The following MTFMT variants were observed in gnomAD, a reference collection of about 807,000 sequenced individuals.
MTFMT encodes the protein methionyl-tRNA formyltransferase, mitochondrial.
In MTFMT, 47 loss-of-function variants were observed where a neutral mutation model predicts 51.8. The observed-to-expected ratio is 0.91, with a 90% CI of 0.72 to 1.16. The LOEUF (loss-of-function observed/expected upper bound fraction) is 1.16, where lower values mean the gene tolerates loss of function less well. MTFMT is among the 50% of genes most tolerant of loss of function. The pLI, the probability that MTFMT is intolerant of heterozygous loss-of-function variation, is 0.00. For synonymous variants in MTFMT, 196 were observed against 176.7 expected (o/e 1.11, Z -0.87); for missense variants, 512 against 482.3 (o/e 1.06, Z -0.58).
At position 65,023,764 on chromosome 15, in the gene MTFMT, G is replaced by A; in HGVS notation, c.450C>T (p.Leu150=). The A allele has an allele frequency of 6.2e-7, 1 of 1,612,962 alleles. No individual in the cohort carries two copies. Among genetic ancestry groups the A allele is most frequent in the Non-Finnish European group, 8.5e-7 (1 of 1,179,318 alleles). The part of the protein sequence containing the change: ...YGILNVHPSC[L]PRWRGPAPVI... ...CAGGGGCTGGGCCACGCCATCTCGGGAGGCAACTGGGATGAACATTCAATA... is the reference window on the plus strand; with the variant it reads ...CAGGGGCTGGGCCACGCCATCTCGGAAGGCAACTGGGATGAACATTCAATA... Residue 150 remains leucine (L), a synonymous_variant, in exon 3 of 9, where the codon CTC becomes CTT. Coordinates refer to ENST00000220058, the MANE Select transcript of MTFMT (RefSeq NM_139242.4).
intron 6 of MTFMT, among the ~76,000 whole-genome samples, chr15:65,011,565 A>G (rs2086267404): frequency 7.3e-6 from 1 of 137,576 alleles, no homozygotes; most frequent in Admixed American, 8.4e-5. Context: ...GTGCAATCAC[A>G]GCTCACTGCA....
rs1224400313 is a variant in MTFMT at position 65,002,955 on chromosome 15, T to A, written c.*107A>T. On this transcript the variant is annotated 3_prime_UTR_variant, in exon 9 of 9. Transcript: ENST00000220058. ...TCCAGCCTGGGTGACAGAGTGAGAC[T>A]CTGTCTCAAAAAAAAAAAAAAAAAA... 1 of 744,136 alleles carries A rather than the reference T, an allele frequency of 1.3e-6. No individual in the cohort carries two copies. The highest frequency in any genetic ancestry group is 1.9e-6 in the Non-Finnish European group (1 of 520,292). 46.1% of individuals were successfully genotyped at this position (744,136 alleles called of 1,614,324 possible).
In MTFMT at chr15:65,024,952, A is replaced by C. The variant is rs941822254; in HGVS notation, c.420-1158T>G. Among the ~76,000 whole-genome samples, 9 of 152,246 alleles carry C rather than the reference A, an allele frequency of 5.9e-5. 1 individual carries two copies. Among genetic ancestry groups the C allele is most frequent in the Admixed American group, 5.9e-4 (9 of 15,288 alleles). ...GAGAAAAGCATTCCAGGCAGAGGGA[A>C]CATTAAGTACAAAGATCTTGAAGAA... On this transcript the variant is annotated intron_variant, in intron 2 of 8. Coordinates refer to ENST00000220058, the MANE Select transcript of MTFMT (RefSeq NM_139242.4).
rs370530544 is a variant in MTFMT at position 65,019,934 on chromosome 15, T to C, written c.721+263A>G. Among the ~76,000 whole-genome samples the C allele has an allele frequency of 2.0e-4, 31 of 152,232 alleles. 1 individual carries two copies. Among genetic ancestry groups the C allele is most frequent in the African/African-American group, 7.5e-4 (31 of 41,548 alleles). On this transcript the variant is annotated intron_variant, in intron 5 of 8. Coordinates refer to ENST00000220058, the MANE Select transcript of MTFMT (RefSeq NM_139242.4). ...GACAAACATTAATAATTGTTGACTC[T>C]GGGGTAAACTGGTGTTTATTATACC... is the stretch of plus-strand genomic sequence containing the variant.
rs2086178359 is a variant in MTFMT, at chr15:65,001,760, G to A, written c.*1302C>T. ...CAGGCGTGGTGGCCCCACTTTGGGA[G>A]GCTGAGGCTGGAGGATCACTTAAGC... is the stretch of plus-strand genomic sequence containing the variant. On this transcript the variant is annotated 3_prime_UTR_variant, in exon 9 of 9. Transcript: ENST00000220058. 6.6e-6 allele frequency: 1 copy of A among 151,982 alleles called. No individual in the cohort carries two copies. The highest frequency in any genetic ancestry group is 6.6e-5 in the Admixed American group (1 of 15,244). 9.4% of individuals were successfully genotyped at this position (151,982 alleles called of 1,614,324 possible).
chr15:65,003,242 A>G lies in MTFMT; in HGVS notation c.990T>C (p.Gly330=). 6.2e-7 allele frequency: 1 copy of G among 1,612,884 alleles called. No homozygotes were observed. The highest frequency in any genetic ancestry group is 8.5e-7 in the Non-Finnish European group (1 of 1,179,242). The change falls in exon 9 of 9, where the codon GGT becomes GGC. Residue 330 remains glycine, a synonymous_variant. Coordinates refer to ENST00000220058, the MANE Select transcript of MTFMT (RefSeq NM_139242.4). The part of the protein sequence containing the change: ...LLVYCKDGWI[G]VRSVMLKKSL... The stretch of plus-strand genomic sequence containing the variant: ...ATTTCTTGAGCATCACTGATCGAAC[A>G]CCAATCCAACCATCCTAAAGGGCAA...
rs1026867337 is a variant in MTFMT at position 65,021,709 on chromosome 15, G to C, written c.543-93C>G. 1.5e-5 allele frequency: 15 copies of C among 974,494 alleles called. No individual in the cohort carries two copies. In the East Asian group the frequency reaches 3.4e-4, roughly 22 times the overall value. 60.4% of individuals were successfully genotyped at this position (974,494 alleles called of 1,614,324 possible). A position where few individuals can be genotyped will look rare whatever the true frequency, so the allele number is the denominator to read the frequency against. On this transcript the variant is annotated intron_variant, in intron 3 of 8. Transcript: ENST00000220058. ...CAAAAAGATACAAGCTGGGTACAGT[G>C]GTCTGCATGCCTATAGTCCTAGTTG...
intron 1 of MTFMT, among the ~76,000 whole-genome samples, chr15:65,028,047 G>A (rs1477497169): frequency 1.3e-5 from 2 of 152,180 alleles, no homozygotes; most frequent in Non-Finnish European, 2.9e-5. Flanking sequence ...TACACGTTGA[G>A]GAGTTATGAG....
At chr15:65,024,756 C>T (rs1344665429) in intron 2 of MTFMT, among the ~76,000 whole-genome samples, 1 of 151,892 alleles carries the variant, frequency 6.6e-6, no homozygotes, top group East Asian at 1.9e-4. Context: ...CAAGAAAAAA[C>T]AAAATATGTA....
intron 2 of MTFMT, 29 bp downstream of exon 2, chr15:65,026,802 T>C (rs1052573064): frequency 6.3e-6 from 10 of 1,577,876 alleles, no homozygotes; most frequent in Non-Finnish European, 8.7e-6. Flanking sequence ...AAGGTTTCTA[T>C]ACTGTATTTC....
chr15:65,004,825 T>C (rs1481251563), intron 8 of MTFMT, 29 bp downstream of exon 8: 6 of 1,460,260 alleles, frequency 4.1e-6, no homozygotes, highest in African/African-American at 1.4e-5. Context: ...AAAACAACTA[T>C]GATAACTTGA....
chr15:65,019,564 A>T (rs542619522), intron 5 of MTFMT, among the ~76,000 whole-genome samples: 1 of 152,300 alleles, frequency 6.6e-6, no homozygotes, highest in East Asian at 1.9e-4. Context: ...GGAACAAGTT[A>T]AACAACACTG....
Position 65,006,137 on chromosome 15 carries a change from C to G in MTFMT, c.868G>C (p.Glu290Gln). The change falls in exon 7 of 9, where the codon GAA becomes CAA. Residue 290 changes from glutamate to glutamine, a missense_variant. Physicochemically the swap from Glu to Gln is conservative, Grantham distance 29. Coordinates refer to ENST00000220058, the MANE Select transcript of MTFMT (RefSeq NM_139242.4). ...ANTIKLLDLV[E>Q]VNSSVLADPK... Reference sequence around the variant, plus strand: ...CCAGCAAGGACTGAACTGTTAACTTCTACCAAATCCAGAAGTTTAATGGTA... The same window carrying G: ...CCAGCAAGGACTGAACTGTTAACTTGTACCAAATCCAGAAGTTTAATGGTA... 1 of 1,612,896 alleles carries G rather than the reference C, an allele frequency of 6.2e-7. No homozygotes were observed. The highest frequency in any genetic ancestry group is 1.3e-5 in the African/African-American group (1 of 75,030).
intron 6 of MTFMT, among the ~76,000 whole-genome samples, chr15:65,009,444 G>C (rs192237262): frequency 1.6e-4 from 25 of 151,944 alleles, no homozygotes; most frequent in African/African-American, 5.8e-4. Flanking sequence ...CAATTAAATG[G>C]TTCCACTATT....
intron 6 of MTFMT, among the ~76,000 whole-genome samples, chr15:65,010,656 C>T (rs1244708881): frequency 6.6e-6 from 1 of 152,118 alleles, no homozygotes; most frequent in African/African-American, 2.4e-5. Context: ...AATAATGCTG[C>T]TATGAAGATT....
intron 8 of MTFMT, among the ~76,000 whole-genome samples, chr15:65,003,469 A>G (rs2086194194): frequency 1.3e-5 from 2 of 152,212 alleles, no homozygotes; most frequent in Admixed American, 1.3e-4. Context: ...TGACACTGAA[A>G]TTAAAAGCTT....
chr15:65,026,208 A>ATGTTGGAT (rs1462124179), intron 2 of MTFMT: 1 of 156,746 alleles, frequency 6.4e-6, no homozygotes, highest in Non-Finnish European at 1.4e-5. Context: ...GGATCAGCAT[A>ATGTTGGAT]TGTTGGATTT....
chr15:65,013,220 A>G (rs1395033791), intron 6 of MTFMT, among the ~76,000 whole-genome samples: 4 of 151,890 alleles, frequency 2.6e-5, no homozygotes, highest in African/African-American at 9.7e-5. Context: ...GAGCGCAGAC[A>G]TCTTTATCTT....
At chr15:65,012,250 A>G (rs2086274968) in intron 6 of MTFMT, among the ~76,000 whole-genome samples, 1 of 151,536 alleles carries the variant, frequency 6.6e-6, no homozygotes, top group Admixed American at 6.6e-5. Flanking sequence ...TGGCACATGT[A>G]TACATATGTA....
Sources: gnomAD v4.1 joint callset for allele counts (sites outside exome capture counted in the v4.1 genomes callset) on GRCh38, gnomAD v4.1.1 for gene constraint, MANE v1.5 for transcripts, NCBI Gene and HGNC (gene_info 2026-07-23, HGNC 2026-07-21) for gene names.